Variants in DAAM1 observed in about 807,000 individuals in gnomAD.
DAAM1 encodes disheveled-associated activator of morphogenesis 1.
A neutral mutation model predicts 130.0 loss-of-function variants in DAAM1; 52 were observed. The ratio of observed to expected loss-of-function variants is 0.40; its 90% confidence interval spans 0.32 to 0.50. The LOEUF is 0.50. Ranked by LOEUF, DAAM1 falls within the 20% of genes least tolerant of loss-of-function variation. The pLI is 0.61. For synonymous variants in DAAM1, 452 were observed against 444.5 expected (o/e 1.02, Z -0.21); for missense variants, 1,134 against 1,303.8 (o/e 0.87, Z 2.01).
At chr14:59,297,172 C>T (rs1883987097) in intron 3 of DAAM1, among the ~76,000 whole-genome samples, 1 of 152,182 alleles carries the variant, frequency 6.6e-6, no homozygotes, top group Non-Finnish European at 1.5e-5. Flanking sequence ...GACTGAAGGG[C>T]TAACTCCTGG....
intron 1 of DAAM1, among the ~76,000 whole-genome samples, chr14:59,190,428 C>A (rs1303203674): frequency 6.6e-6 from 1 of 152,188 alleles, no homozygotes; most frequent in Non-Finnish European, 1.5e-5. Flanking sequence ...AAGGCGCCCT[C>A]CCCTGTTGTG....
chr14:59,225,397 A>G (rs1367226897), intron 1 of DAAM1, among the ~76,000 whole-genome samples: 2 of 152,222 alleles, frequency 1.3e-5, no homozygotes, highest in Non-Finnish European at 2.9e-5. Context: ...GCCTAAGACT[A>G]TGAATCTGTT....
At chr14:59,365,636 T>G (rs1222418653) in intron 23 of DAAM1, among the ~76,000 whole-genome samples, 1 of 152,154 alleles carries the variant, frequency 6.6e-6, no homozygotes, top group Admixed American at 6.6e-5. Flanking sequence ...TGAAAATATT[T>G]AAGGTAGATG....
At chr14:59,356,421 A>G (rs1886483080) in intron 20 of DAAM1, among the ~76,000 whole-genome samples, 2 of 152,222 alleles carry the variant, frequency 1.3e-5, no homozygotes, top group African/African-American at 4.8e-5. Flanking sequence ...TCCTTTTCAG[A>G]GCACTTTCAC....
chr14:59,357,262 G>A (rs1339388352), intron 20 of DAAM1: 2 of 152,054 alleles, frequency 1.3e-5, no homozygotes, highest in African/African-American at 2.4e-5. Context: ...CTTTTAAAAA[G>A]TGAAAAAAAT....
intron 2 of DAAM1, among the ~76,000 whole-genome samples, chr14:59,277,382 G>C (rs1296899343): frequency 6.6e-6 from 1 of 152,080 alleles, no homozygotes; most frequent in African/African-American, 2.4e-5. Context: ...GAATCTCTTA[G>C]AAGTGGGGCT....
chr14:59,227,500 T>A (rs947171228), intron 1 of DAAM1, among the ~76,000 whole-genome samples: 2 of 152,204 alleles, frequency 1.3e-5, no homozygotes, highest in Admixed American at 1.3e-4. Flanking sequence ...ATTTGCAAGT[T>A]TAATTTGTTC....
intron 18 of DAAM1, among the ~76,000 whole-genome samples, chr14:59,353,015 A>G (rs1054662769): frequency 6.6e-6 from 1 of 151,794 alleles, no homozygotes; most frequent in Admixed American, 6.6e-5. Context: ...AGAAAAAAAA[A>G]TATATGGACA....
At position 59,367,722 on chromosome 14, in the gene DAAM1, T is replaced by A; in HGVS notation, c.2997+123T>A. On this transcript the variant is annotated intron_variant, in intron 24 of 24. Transcript: ENST00000360909. ...GAAGGCTTCAATGTACTCTCTAGAA[T>A]GCTGTGGGACTTTACATTGGTGTTG... 6 of 1,315,548 alleles carry A rather than the reference T, an allele frequency of 4.6e-6. No homozygotes were observed. In the South Asian group the frequency reaches 5.7e-5, roughly 13 times the overall value. 81.5% of individuals were successfully genotyped at this position (1,315,548 alleles called of 1,614,324 possible).
At chr14:59,286,252 A>G (rs946401008) in intron 2 of DAAM1, among the ~76,000 whole-genome samples, 5 of 152,276 alleles carry the variant, frequency 3.3e-5, no homozygotes, top group Admixed American at 3.3e-4. Flanking sequence ...CAAAGACAAA[A>G]TATACCAGAA....
At chr14:59,333,138 G>C (rs1243183363) in intron 15 of DAAM1, among the ~76,000 whole-genome samples, 1 of 152,058 alleles carries the variant, frequency 6.6e-6, no homozygotes, top group Non-Finnish European at 1.5e-5. Context: ...AAATGGGGGG[G>C]AAAAGCCAAT....
intron 1 of DAAM1, among the ~76,000 whole-genome samples, chr14:59,223,904 A>G (rs1888855383): frequency 6.6e-6 from 1 of 152,212 alleles, no homozygotes; most frequent in African/African-American, 2.4e-5. Context: ...ATGTCTTACC[A>G]GTAAGTCTGG....
At chr14:59,221,150 T>C (rs1341553072) in intron 1 of DAAM1, among the ~76,000 whole-genome samples, 1 of 152,232 alleles carries the variant, frequency 6.6e-6, no homozygotes, top group Admixed American at 6.5e-5. Flanking sequence ...GAAAGTGCAC[T>C]TATCCCTTCT....
intron 4 of DAAM1, among the ~76,000 whole-genome samples, chr14:59,320,011 G>A (rs17833978): frequency 0.012 from 1,841 of 152,158 alleles, 21 homozygotes; most frequent in Middle Eastern, 0.065. Flanking sequence ...TTACTCTGAA[G>A]GAATTGTCTA....
intron 5 of DAAM1, among the ~76,000 whole-genome samples, chr14:59,321,801 C>T (rs1885019868): frequency 6.6e-6 from 1 of 152,202 alleles, no homozygotes; most frequent in Non-Finnish European, 1.5e-5. Context: ...ACTATCCTAA[C>T]TGTATCAGCA....
intron 1 of DAAM1, 35 bp from the exon 2 acceptor site, chr14:59,263,406 T>C: frequency 1.3e-6 from 2 of 1,576,798 alleles, no homozygotes; most frequent in East Asian, 4.5e-5. Context: ...TATCTGTTCC[T>C]GTACTCTTAA....
At chr14:59,341,407 C>A (rs1035506326) in intron 16 of DAAM1, among the ~76,000 whole-genome samples, 3 of 152,198 alleles carry the variant, frequency 2.0e-5, no homozygotes, top group African/African-American at 4.8e-5. Flanking sequence ...GTAGTCCCCC[C>A]CTTATCCACA....
At chr14:59,217,919 G>T (rs111608226) in intron 1 of DAAM1, among the ~76,000 whole-genome samples, 8 of 151,810 alleles carry the variant, frequency 5.3e-5, no homozygotes, top group African/African-American at 1.9e-4. Context: ...CCCAGGAGGC[G>T]GAGGTTGCAC....
intron 1 of DAAM1, among the ~76,000 whole-genome samples, chr14:59,224,448 A>G (rs891035225): frequency 2.0e-5 from 3 of 152,212 alleles, no homozygotes; most frequent in Non-Finnish European, 4.4e-5. Flanking sequence ...TTTCCTAGGT[A>G]GAGGCAGTTC....
Sources: gnomAD v4.1 joint callset for allele counts (sites outside exome capture counted in the v4.1 genomes callset) on GRCh38, gnomAD v4.1.1 for gene constraint, MANE v1.5 for transcripts, NCBI Gene and HGNC (gene_info 2026-07-23, HGNC 2026-07-21) for gene names.